The following DDHD1 variants were observed in gnomAD, a reference collection of about 807,000 sequenced individuals.
The protein encoded by DDHD1 is DDHD domain containing 1, also known as phospholipase DDHD1.
DDHD1 carries 49 observed loss-of-function variants against 96.4 expected under a neutral mutation model. The observed-to-expected ratio is 0.51, with a 90% confidence interval of 0.40 to 0.64. The LOEUF is 0.64. Among genes scored for constraint, DDHD1 ranks in the 30% least tolerant of loss-of-function variants. The pLI is 0.00. For missense variants in DDHD1, 1,106 were observed against 1,161.2 expected (o/e 0.95, Z 0.69); for synonymous variants, 442 against 446.5 (o/e 0.99, Z 0.13).
At chr14:53,130,410 C>T (rs116362860) in intron 1 of DDHD1, among the ~76,000 whole-genome samples, 1,535 of 152,218 alleles carry the variant, frequency 0.01, 32 homozygotes, top group African/African-American at 0.035. Flanking sequence ...AACCCTTAGA[C>T]GTTTTACCAC....
chr14:53,107,997 C>A (rs1180255538), intron 1 of DDHD1, among the ~76,000 whole-genome samples: 1 of 152,212 alleles, frequency 6.6e-6, no homozygotes, highest in Non-Finnish European at 1.5e-5. Context: ...GGCATTCAAG[C>A]CAGCAACAGC....
chr14:53,146,475 T>C (rs1243088038), intron 1 of DDHD1, among the ~76,000 whole-genome samples: 2 of 140,342 alleles, frequency 1.4e-5, no homozygotes, highest in Non-Finnish European at 3.0e-5. Flanking sequence ...CTGTACTTCA[T>C]CCAGGGCAAC....
At chr14:53,134,668 G>A (rs1890103158) in intron 1 of DDHD1, among the ~76,000 whole-genome samples, 1 of 151,024 alleles carries the variant, frequency 6.6e-6, no homozygotes, top group Admixed American at 6.6e-5. Flanking sequence ...AATCAATCTG[G>A]CCTGGTATAT....
At chr14:53,072,520 C>A (rs1884593540) in intron 6 of DDHD1, 77 bp downstream of exon 6, 4 of 757,088 alleles carry the variant, frequency 5.3e-6, no homozygotes, top group Non-Finnish European at 8.0e-6. Context: ...TTAAAAAAAA[C>A]ATAAAATGTA....
At chr14:53,054,706 T>C (rs767223478) in intron 10 of DDHD1, 77 bp from the exon 11 acceptor site, 5 of 1,432,822 alleles carry the variant, frequency 3.5e-6, no homozygotes, top group East Asian at 2.3e-5. Flanking sequence ...CCCATAATTA[T>C]AGCCAACTGG....
At chr14:53,058,316 C>T (rs1883243348) in intron 9 of DDHD1, among the ~76,000 whole-genome samples, 161 bp downstream of exon 9, 1 of 152,050 alleles carries the variant, frequency 6.6e-6, no homozygotes, top group Admixed American at 6.6e-5. Context: ...GGTTTCACCA[C>T]ATTGGTCAGG....
intron 4 of DDHD1, among the ~76,000 whole-genome samples, chr14:53,080,437 C>T (rs1885362205): frequency 1.3e-5 from 2 of 151,988 alleles, no homozygotes; most frequent in African/African-American, 4.8e-5. Flanking sequence ...TATCTTTAGC[C>T]CATTTTCCTA....
At chr14:53,073,592 A>T (rs773192639) in intron 5 of DDHD1, 149 bp downstream of exon 5, 68 of 608,662 alleles carry the variant, frequency 1.1e-4, no homozygotes, top group Non-Finnish European at 1.6e-4. Context: ...TATTTTCTTA[A>T]TCTAGAACAA....
At position 53,046,282 on chromosome 14, in the gene DDHD1, T is replaced by G. The variant is rs1882000201; in HGVS notation, c.*486A>C. The G allele has an allele frequency of 6.6e-6, 1 of 152,232 alleles. No homozygotes were observed. Among genetic ancestry groups the G allele is most frequent in the Non-Finnish European group, 1.5e-5 (1 of 68,044 alleles). The allele number at this position is 152,232 out of a possible 1,614,324, so 9.4% of individuals were successfully genotyped here. ...CATTAGTTTTTCTAAACAAGTTAAA[T>G]TCAAAACATTTTAAATCTGTTATAT... On this transcript the variant is annotated 3_prime_UTR_variant, in exon 13 of 13. Coordinates refer to ENST00000673822, the MANE Select transcript of DDHD1 (RefSeq NM_001160148.2).
intron 1 of DDHD1, among the ~76,000 whole-genome samples, chr14:53,107,691 T>C (rs1052487844): frequency 2.0e-5 from 3 of 152,118 alleles, no homozygotes; most frequent in Admixed American, 2.0e-4. Context: ...CTTGGGAGGC[T>C]GAGGCAGGAG....
intron 2 of DDHD1, chr14:53,096,065 C>G: frequency 1.1e-6 from 1 of 895,850 alleles, no homozygotes; most frequent in Non-Finnish European, 1.3e-6. Flanking sequence ...CAACTGAATA[C>G]TATAAGCCAG....
intron 2 of DDHD1, among the ~76,000 whole-genome samples, chr14:53,097,365 C>T (rs1029328390): frequency 2.6e-5 from 4 of 151,892 alleles, no homozygotes; most frequent in African/African-American, 4.8e-5. Flanking sequence ...TAGATGGCTA[C>T]AAAACTATAA....
intron 6 of DDHD1, among the ~76,000 whole-genome samples, chr14:53,067,459 CTT>C (rs774228803): frequency 2.2e-4 from 29 of 134,594 alleles, no homozygotes; most frequent in Admixed American, 3.0e-4. Flanking sequence ...TGTCTAGCCT[CTT>C]TTTTTTTTTT....
chr14:53,072,517 A>G, intron 6 of DDHD1, 80 bp downstream of exon 6: 2 of 748,518 alleles, frequency 2.7e-6, no homozygotes, highest in Non-Finnish European at 4.0e-6. Flanking sequence ...TGCTTAAAAA[A>G]AACATAAAAT....
chr14:53,147,628 A>G (rs1479182953), intron 1 of DDHD1, among the ~76,000 whole-genome samples: 1 of 152,116 alleles, frequency 6.6e-6, no homozygotes, highest in Non-Finnish European at 1.5e-5. Context: ...GCATTCTAAA[A>G]TGCACTCTAA....
At chr14:53,063,341 G>A (rs982930377) in intron 6 of DDHD1, 136 bp from the exon 7 acceptor site, 4 of 1,052,586 alleles carry the variant, frequency 3.8e-6, no homozygotes, top group Non-Finnish European at 5.3e-6. Context: ...ATTAACTTAG[G>A]TCTTTCAAAA....
At chr14:53,084,821 C>T (rs1885792785) in intron 4 of DDHD1, among the ~76,000 whole-genome samples, 1 of 152,186 alleles carries the variant, frequency 6.6e-6, no homozygotes, top group Non-Finnish European at 1.5e-5. Context: ...CAGGGTGGGG[C>T]ATTGCCTCAC....
At chr14:53,127,794 G>C (rs185227267) in intron 1 of DDHD1, among the ~76,000 whole-genome samples, 2 of 152,292 alleles carry the variant, frequency 1.3e-5, no homozygotes, top group Non-Finnish European at 2.9e-5. Flanking sequence ...ATTAGTAAAA[G>C]GTAGGTCTTT....
chr14:53,095,510 A>G (rs1320880991), intron 2 of DDHD1, among the ~76,000 whole-genome samples: 1 of 152,174 alleles, frequency 6.6e-6, no homozygotes, highest in Non-Finnish European at 1.5e-5. Flanking sequence ...TAAATATGCA[A>G]CTTCAGAAGT....
Sources: gnomAD v4.1 joint callset for allele counts (sites outside exome capture counted in the v4.1 genomes callset) on GRCh38, gnomAD v4.1.1 for gene constraint, MANE v1.5 for transcripts, NCBI Gene and HGNC (gene_info 2026-07-23, HGNC 2026-07-21) for gene names.